Variants in DNAJC5B observed in about 807,000 individuals in gnomAD.
The protein encoded by DNAJC5B is dnaJ homolog subfamily C member 5B.
A neutral mutation model predicts 24.7 loss-of-function variants in DNAJC5B; 23 were observed. The ratio of observed to expected loss-of-function variants is 0.93; its 90% confidence interval spans 0.67 to 1.32. The LOEUF (loss-of-function observed/expected upper bound fraction) is 1.32, where lower values mean the gene tolerates loss of function less well. Among genes scored for constraint, DNAJC5B ranks in the 40% most tolerant of loss-of-function variants. The pLI, the probability that DNAJC5B is intolerant of heterozygous loss-of-function variation, is 0.00. For synonymous variants in DNAJC5B, 101 were observed against 90.1 expected, an observed-to-expected ratio of 1.12 and a Z score of -0.68; for missense variants, 238 against 240.8, an observed-to-expected ratio of 0.99 and a Z score of 0.08.
chr8:66,092,638 T>C (rs1343133637), intron 5 of DNAJC5B, among the ~76,000 whole-genome samples: 1 of 152,206 alleles, frequency 6.6e-6, no homozygotes, highest in Non-Finnish European at 1.5e-5. Context: ...TCAGACGTAA[T>C]GATCTTAAAT....
chr8:66,089,596 G>A (rs1038346087), intron 5 of DNAJC5B, among the ~76,000 whole-genome samples: 1 of 152,060 alleles, frequency 6.6e-6, no homozygotes, highest in African/African-American at 2.4e-5. Flanking sequence ...ATTCAAACAT[G>A]CCTACTCCTT....
chr8:66,094,195 T>C (rs1807904344), intron 5 of DNAJC5B, among the ~76,000 whole-genome samples: 1 of 152,130 alleles, frequency 6.6e-6, no homozygotes, highest in South Asian at 2.1e-4. Flanking sequence ...TTTGTCAAGT[T>C]ATTTAACAAG....
At chr8:66,024,559 A>T (rs1806215136) in intron 1 of DNAJC5B, among the ~76,000 whole-genome samples, 1 of 110,928 alleles carries the variant, frequency 9.0e-6, no homozygotes, top group Non-Finnish European at 1.8e-5. Flanking sequence ...TATATCTCCC[A>T]ATGCTATCCC....
intron 2 of DNAJC5B, among the ~76,000 whole-genome samples, chr8:66,048,707 C>G (rs75601937): frequency 6.6e-6 from 1 of 152,050 alleles, no homozygotes; most frequent in Non-Finnish European, 1.5e-5. Context: ...GCCACCAAGA[C>G]CATACAGATC....
chr8:66,030,091 T>C (rs79398440), intron 1 of DNAJC5B, among the ~76,000 whole-genome samples: 8,411 of 152,288 alleles, frequency 0.055, 341 homozygotes, highest in Middle Eastern at 0.11. Flanking sequence ...TTGCCCTTCA[T>C]AGTGTAAATG....
At chr8:66,093,518 C>T (rs1400999044) in intron 5 of DNAJC5B, among the ~76,000 whole-genome samples, 1 of 152,098 alleles carries the variant, frequency 6.6e-6, no homozygotes, top group Non-Finnish European at 1.5e-5. Flanking sequence ...GTTCATTGCT[C>T]ATTTGGGTTT....
At chr8:66,045,024 G>T (rs114513628) in intron 2 of DNAJC5B, among the ~76,000 whole-genome samples, 3,440 of 152,172 alleles carry the variant, frequency 0.023, 132 homozygotes, top group African/African-American at 0.077. Flanking sequence ...AGTCATTAAA[G>T]GTTTCAATGT....
intron 3 of DNAJC5B, among the ~76,000 whole-genome samples, chr8:66,067,205 C>T (rs1807239702): frequency 6.7e-6 from 1 of 150,162 alleles, no homozygotes; most frequent in African/African-American, 2.5e-5. Context: ...TCCCACCGCC[C>T]CCCACCCCCA....
chr8:66,071,472 A>C (rs1807347366), intron 3 of DNAJC5B, among the ~76,000 whole-genome samples: 1 of 152,266 alleles, frequency 6.6e-6, no homozygotes, highest in Non-Finnish European at 1.5e-5. Context: ...ACTGGTCATT[A>C]GAGAAATGCA....
chr8:66,061,089 G>T lies in DNAJC5B; in HGVS notation c.119+9423G>T, dbSNP rs551204175. On this transcript the variant is annotated intron_variant, in intron 3 of 5. Coordinates refer to ENST00000276570, the MANE Select transcript of DNAJC5B (RefSeq NM_033105.6). ...ACATAAACACTAAAATCACTCCATT[G>T]AAGTGTATTCTAAATATAATGTAGC... 2.6e-5 allele frequency among the ~76,000 whole-genome samples: 4 copies of T among 152,272 alleles called. No homozygotes were observed. The South Asian group carries it at 8.3e-4, about 32-fold the overall frequency.
At chr8:66,029,595 G>C (rs1340877761) in intron 1 of DNAJC5B, among the ~76,000 whole-genome samples, 1 of 152,228 alleles carries the variant, frequency 6.6e-6, no homozygotes, top group Non-Finnish European at 1.5e-5. Flanking sequence ...GCTGGCAGGA[G>C]ATAATAAGCT....
At chr8:66,042,972 T>A (rs1422397991) in intron 1 of DNAJC5B, among the ~76,000 whole-genome samples, 1 of 152,004 alleles carries the variant, frequency 6.6e-6, no homozygotes, top group Non-Finnish European at 1.5e-5. Flanking sequence ...AAAACTTTTT[T>A]AGTCTGTAGG....
chr8:66,031,007 CTCGT>C (rs879941899), intron 1 of DNAJC5B, among the ~76,000 whole-genome samples: 4 of 152,226 alleles, frequency 2.6e-5, no homozygotes, highest in Non-Finnish European at 5.9e-5. Context: ...TGGGCTTATG[CTCGT>C]GAGAGCCCCT....
chr8:66,080,532 G>T lies in DNAJC5B; in HGVS notation c.489G>T (p.Lys163Asn), dbSNP rs1190757350. The change falls in exon 5 of 6, where the codon AAG becomes AAT. Residue 163 changes from lysine to asparagine, a missense_variant. Physicochemically the swap from Lys to Asn is moderately conservative, Grantham distance 94. Coordinates refer to ENST00000276570, the MANE Select transcript of DNAJC5B (RefSeq NM_033105.6). ...VSPEDLEEQI[K>N]SDMEKDVDFP... is the part of the protein sequence containing the mutation. ...CAGAGGATCTGGAGGAGCAGATCAA[G>T]TCTGACATGGAAAAAGGTGGGGTAG... 44 of 1,609,770 alleles carry T rather than the reference G, an allele frequency of 2.7e-5. No homozygotes were observed. Among genetic ancestry groups the T allele is most frequent in the Non-Finnish European group, 3.5e-5 (41 of 1,177,930 alleles).
intron 2 of DNAJC5B, among the ~76,000 whole-genome samples, chr8:66,046,120 G>A (rs1428027594): frequency 6.6e-6 from 1 of 152,122 alleles, no homozygotes; most frequent in Admixed American, 6.5e-5. Context: ...ATCCTCAGGA[G>A]GTTTTGACCC....
intron 2 of DNAJC5B, among the ~76,000 whole-genome samples, chr8:66,051,006 TATATA>T (rs1158145390): frequency 1.3e-5 from 2 of 152,214 alleles, no homozygotes; most frequent in Non-Finnish European, 2.9e-5. Context: ...TTCACATACA[TATATA>T]ATATATTGTT....
At chr8:66,062,366 T>C (rs923401517) in intron 3 of DNAJC5B, among the ~76,000 whole-genome samples, 2 of 152,184 alleles carry the variant, frequency 1.3e-5, no homozygotes, top group Non-Finnish European at 1.5e-5. Context: ...GAGCATTTTG[T>C]ATGATTCTGG....
In DNAJC5B at chr8:66,047,217, A is replaced by G. The variant is rs1806740786; in HGVS notation, c.-18+3606A>G. 2.0e-5 allele frequency among the ~76,000 whole-genome samples: 3 copies of G among 152,340 alleles called. No individual in the cohort carries two copies. In the South Asian group the frequency reaches 6.2e-4, roughly 32 times the overall value. Reference sequence around the variant, plus strand: ...AAAATTGCTGGATGGGCTTCTCTCAAGAGCAACCGTTTGGCCAATGGGGCC... The same window carrying G: ...AAAATTGCTGGATGGGCTTCTCTCAGGAGCAACCGTTTGGCCAATGGGGCC... On this transcript the variant is annotated intron_variant, in intron 2 of 5. Transcript: ENST00000276570.
chr8:66,033,476 C>T (rs1193469394), intron 1 of DNAJC5B, among the ~76,000 whole-genome samples: 1 of 152,198 alleles, frequency 6.6e-6, no homozygotes, highest in Admixed American at 6.5e-5. Context: ...AGAATCATCT[C>T]ATCCATGTAA....
Sources: allele counts gnomAD v4.1 joint callset (sites outside exome capture counted in the v4.1 genomes callset), GRCh38; gene constraint gnomAD v4.1.1; transcripts MANE v1.5; gene names NCBI Gene and HGNC (gene_info 2026-07-23, HGNC 2026-07-21).